The following DLGAP2 variants were observed in gnomAD, a reference collection of about 807,000 sequenced individuals.
DLGAP2 encodes the protein DLG associated protein 2, also known as disks large-associated protein 2.
DLGAP2 carries 26 observed loss-of-function variants against 100.3 expected under a neutral mutation model. The observed-to-expected ratio is 0.26, with a 90% CI of 0.19 to 0.36. The LOEUF (loss-of-function observed/expected upper bound fraction) is 0.36, where lower values mean the gene tolerates loss of function less well. DLGAP2 is among the 10% of genes least tolerant of loss of function. DLGAP2 has a pLI of 1.00. For synonymous variants in DLGAP2, 886 were observed against 630.1 expected (o/e 1.41, Z -6.08); for missense variants, 1,858 against 1,453.2 (o/e 1.28, Z -4.53).
chr8:1,029,179 G>A lies in DLGAP2; in HGVS notation c.73+121213G>A, dbSNP rs138789277. ...TGTGATCTTGAGTCTAGCAGGCAGC[G>A]GGAGGGCTCTGTAGAAAGTCCACAG... On this transcript the variant is annotated intron_variant, in intron 2 of 14. Coordinates refer to ENST00000637795, the MANE Select transcript of DLGAP2 (RefSeq NM_001346810.2). 4.2e-3 allele frequency among the ~76,000 whole-genome samples: 640 copies of A among 152,258 alleles called. 1 individual carries two copies. The highest frequency in any genetic ancestry group is 5.3e-3 in the Non-Finnish European group (358 of 68,016).
chr8:1,042,412 T>A (rs1802379683), intron 2 of DLGAP2, among the ~76,000 whole-genome samples: 1 of 152,244 alleles, frequency 6.6e-6, no homozygotes, highest in Non-Finnish European at 1.5e-5. Context: ...ATTTAACATC[T>A]GACCTTGAAT....
intron 1 of DLGAP2, among the ~76,000 whole-genome samples, chr8:746,865 C>G (rs181418582): frequency 9.6e-4 from 147 of 152,354 alleles, no homozygotes; most frequent in African/African-American, 3.4e-3. Context: ...GCTGCGGACG[C>G]TGGTCCTGAA....
Position 1,309,614 on chromosome 8 carries a change from C to T in DLGAP2, c.106+50731C>T, listed in dbSNP as rs185129642. On this transcript the variant is annotated intron_variant, in intron 3 of 14. Coordinates refer to ENST00000637795, the MANE Select transcript of DLGAP2 (RefSeq NM_001346810.2). Reference sequence around the variant, plus strand: ...CTTGCAGATTGACATAAAAGGACAGCGGCATTAGCTCAAAGCTATATGAAG... The same window carrying T: ...CTTGCAGATTGACATAAAAGGACAGTGGCATTAGCTCAAAGCTATATGAAG... Among the ~76,000 whole-genome samples the T allele has an allele frequency of 1.3e-4, 20 of 152,248 alleles. No individual in the cohort carries two copies. The East Asian group carries it at 1.9e-3, about 15-fold the overall frequency.
intron 2 of DLGAP2, among the ~76,000 whole-genome samples, chr8:1,000,894 T>C (rs1461190384): frequency 6.6e-6 from 1 of 152,104 alleles, no homozygotes; most frequent in Non-Finnish European, 1.5e-5. Context: ...CATCGGGTGC[T>C]GATTCTTGGT....
At chr8:1,454,875 C>G (rs1798262033) in intron 3 of DLGAP2, among the ~76,000 whole-genome samples, 1 of 152,076 alleles carries the variant, frequency 6.6e-6, no homozygotes, top group Admixed American at 6.5e-5. Context: ...GTCCTGTGGC[C>G]CACCCTCCCG....
chr8:1,198,377 A>T (rs1041997572), intron 2 of DLGAP2, among the ~76,000 whole-genome samples: 3 of 152,152 alleles, frequency 2.0e-5, no homozygotes, highest in African/African-American at 4.8e-5. Flanking sequence ...ATGTTGCACC[A>T]CTGCTTTCCA....
chr8:757,146 C>T (rs1366059115), intron 1 of DLGAP2, among the ~76,000 whole-genome samples: 1 of 152,210 alleles, frequency 6.6e-6, no homozygotes, highest in African/African-American at 2.4e-5. Context: ...TGCTCTCTGT[C>T]CCCTTCCCTT....
intron 3 of DLGAP2, among the ~76,000 whole-genome samples, chr8:1,429,323 TA>T (rs1797338834): frequency 6.6e-6 from 1 of 152,160 alleles, no homozygotes; most frequent in Non-Finnish European, 1.5e-5. Context: ...ACATAGGAAC[TA>T]AAAGTGCTGG....
At position 1,703,228 on chromosome 8, in the gene DLGAP2, A is replaced by G. The variant is rs929528234; in HGVS notation, c.*1822A>G. On this transcript the variant is annotated 3_prime_UTR_variant, in exon 15 of 15. Coordinates refer to ENST00000637795, the MANE Select transcript of DLGAP2 (RefSeq NM_001346810.2). ...GTAAATTGAGCCTCATGTCTGGTAT[A>G]TATTTTACCAAACAGCCTTAAAATA... The G allele has an allele frequency of 6.6e-6, 1 of 152,570 alleles. No individual in the cohort carries two copies. Among genetic ancestry groups the G allele is most frequent in the African/African-American group, 2.4e-5 (1 of 41,418 alleles). 9.5% of individuals were successfully genotyped at this position (152,570 alleles called of 1,614,324 possible).
At chr8:1,259,383 G>A (rs200278225) in intron 3 of DLGAP2, among the ~76,000 whole-genome samples, 1 of 152,326 alleles carries the variant, frequency 6.6e-6, no homozygotes, top group East Asian at 1.9e-4. Flanking sequence ...ACGCGGCAAA[G>A]TAGGGCCCCT....
chr8:1,346,563 G>A (rs6988157), intron 3 of DLGAP2, among the ~76,000 whole-genome samples: 2,869 of 151,824 alleles, frequency 0.019, 66 homozygotes, highest in African/African-American at 0.066. Flanking sequence ...GTAGCTGTGT[G>A]GGTGTTGAGT....
In DLGAP2 at chr8:1,433,519, G is replaced by T. The variant is rs148238379; in HGVS notation, c.107-67847G>T. On this transcript the variant is annotated intron_variant, in intron 3 of 14. Transcript: ENST00000637795. ...GCAAGTGTACAGATGGTGCTGTCTG[G>T]TGAGCCCACCCGAGTAGGTCCTCGA... Among the ~76,000 whole-genome samples the T allele has an allele frequency of 4.4e-4, 67 of 152,330 alleles. 2 individuals carry two copies. In the East Asian group the frequency reaches 0.011, roughly 25 times the overall value.
intron 2 of DLGAP2, among the ~76,000 whole-genome samples, chr8:1,146,280 C>T (rs79780227): frequency 0.033 from 5,030 of 152,262 alleles, 134 homozygotes; most frequent in East Asian, 0.15. Context: ...ATCGCGTAGC[C>T]TCTGTTAAGA....
intron 1 of DLGAP2, among the ~76,000 whole-genome samples, chr8:755,146 G>C (rs185015807): frequency 1.3e-5 from 2 of 152,216 alleles, no homozygotes; most frequent in African/African-American, 4.8e-5. Context: ...TAAATACAGA[G>C]GACAGTGTTT....
Position 990,317 on chromosome 8 carries a change from TG to T in DLGAP2, c.73+82352del, listed in dbSNP as rs1563131708. Among the ~76,000 whole-genome samples the T allele has an allele frequency of 2.4e-3, 347 of 146,834 alleles. 11 individuals carry two copies. The highest frequency in any genetic ancestry group is 7.8e-3 in the African/African-American group (305 of 38,918). On this transcript the variant is annotated intron_variant, in intron 2 of 14. Transcript: ENST00000637795. Reference sequence around the variant, plus strand: ...TTCTATGAAAGTGGCCCAGACCCCCTGCACCCCCATACTCGGAGTTCCTGTT... The same window carrying T: ...TTCTATGAAAGTGGCCCAGACCCCCTCACCCCCATACTCGGAGTTCCTGTT...
At chr8:1,090,991 C>T (rs529455880) in intron 2 of DLGAP2, among the ~76,000 whole-genome samples, 24 of 152,262 alleles carry the variant, frequency 1.6e-4, no homozygotes, top group Non-Finnish European at 3.2e-4. Flanking sequence ...ATTCTAACCT[C>T]ATCAGAACGT....
chr8:1,144,346 C>T (rs1227858909), intron 2 of DLGAP2, among the ~76,000 whole-genome samples: 2 of 152,180 alleles, frequency 1.3e-5, no homozygotes, highest in Non-Finnish European at 2.9e-5. Context: ...GCCAGGGAGG[C>T]CACGTCCTAA....
Position 1,595,262 on chromosome 8 carries a change from CT to C in DLGAP2, c.1442+29375del, listed in dbSNP as rs908948270. On this transcript the variant is annotated intron_variant, in intron 6 of 14. Coordinates refer to ENST00000637795, the MANE Select transcript of DLGAP2 (RefSeq NM_001346810.2). ...TGCCATGTTTCCCAGGTTTTACGGG[CT>C]TTTTTTAAATATATATAAACTTTTT... Among the ~76,000 whole-genome samples, 18 of 151,714 alleles carry C rather than the reference CT, an allele frequency of 1.2e-4. 1 individual carries two copies. The South Asian group carries it at 1.5e-3, about 12-fold the overall frequency.
chr8:793,577 C>A (rs990520081), intron 1 of DLGAP2, among the ~76,000 whole-genome samples: 2 of 152,116 alleles, frequency 1.3e-5, no homozygotes, highest in Non-Finnish European at 2.9e-5. Flanking sequence ...TTATTTCTTT[C>A]TTTTACTCCT....
Sources: allele counts gnomAD v4.1 joint callset (sites outside exome capture counted in the v4.1 genomes callset), GRCh38; gene constraint gnomAD v4.1.1; transcripts MANE v1.5; gene names NCBI Gene and HGNC (gene_info 2026-07-23, HGNC 2026-07-21).